SLC25A12: variants seen among roughly 807,000 people sequenced by gnomAD.
SLC25A12 encodes the protein solute carrier family 25 member 12.
In SLC25A12, 32 loss-of-function variants were observed where a neutral mutation model predicts 83.3. The observed-to-expected ratio is 0.38, with a 90% CI of 0.29 to 0.52. SLC25A12 has a LOEUF of 0.52. SLC25A12 is among the 20% of genes least tolerant of loss of function. SLC25A12 has a pLI of 0.84. For synonymous variants in SLC25A12, 267 were observed against 291.1 expected (o/e 0.92, Z 0.84); for missense variants, 611 against 835.6 (o/e 0.73, Z 3.31).
intron 15 of SLC25A12, chr2:171,788,157 G>T: frequency 3.8e-6 from 2 of 528,540 alleles, no homozygotes; most frequent in Non-Finnish European, 6.7e-6. Context: ...ATTTTTTCCT[G>T]AATTAAAAAA....
Position 171,810,609 on chromosome 2 carries a change from C to T in SLC25A12, c.1172-333G>A, listed in dbSNP as rs114750605. Among the ~76,000 whole-genome samples the T allele has an allele frequency of 4.6e-3, 700 of 152,274 alleles. 3 individuals are homozygous for T. The highest frequency in any genetic ancestry group is 0.016 in the African/African-American group (656 of 41,554). On this transcript the variant is annotated intron_variant, in intron 11 of 17. Transcript: ENST00000422440. ...GGGAACACTGCCAATAACAATGTAA[C>T]CAAATTCCCTCCCTTATTACAACCA...
At chr2:171,792,036 T>G (rs1236945947) in intron 14 of SLC25A12, among the ~76,000 whole-genome samples, 2 of 152,178 alleles carry the variant, frequency 1.3e-5, no homozygotes, top group Non-Finnish European at 2.9e-5. Flanking sequence ...AAGTAACTAC[T>G]CTAGAGCAGG....
At chr2:171,889,482 G>A (rs1176359433) in intron 2 of SLC25A12, among the ~76,000 whole-genome samples, 1 of 152,090 alleles carries the variant, frequency 6.6e-6, no homozygotes, top group Non-Finnish European at 1.5e-5. Flanking sequence ...TATCACCTAA[G>A]CTACTTCCAA....
At chr2:171,836,553 G>T (rs1684561842) in intron 6 of SLC25A12, among the ~76,000 whole-genome samples, 1 of 152,194 alleles carries the variant, frequency 6.6e-6, no homozygotes, top group Non-Finnish European at 1.5e-5. Flanking sequence ...AGCCACAGAG[G>T]CTGATGGCCA....
At position 171,787,791 on chromosome 2, in the gene SLC25A12, G is replaced by T; in HGVS notation, c.1742C>A (p.Ala581Glu). The change falls in exon 16 of 18, where the codon GCA becomes GAA. Residue 581 changes from alanine (A) to glutamate (E), a missense_variant and splice_region_variant. Coordinates refer to ENST00000422440, the MANE Select transcript of SLC25A12 (RefSeq NM_003705.5). ...GTATGGCTCCAGCCCCTGCCTACCT[G>T]CAGTCCCTTTCCAAAATGCTGAGGG... ...EGPSAFWKGTAARVFRSSPQF... is the reference protein window; with the variant it reads ...EGPSAFWKGTEARVFRSSPQF... 6.2e-7 allele frequency: 1 copy of T among 1,614,168 alleles called. No homozygotes were observed. The highest frequency in any genetic ancestry group is 8.5e-7 in the Non-Finnish European group (1 of 1,180,006).
rs545539528 is a variant in SLC25A12 at position 171,840,917 on chromosome 2, T to G, written c.465+3452A>C. Among the ~76,000 whole-genome samples, 4 of 152,218 alleles carry G rather than the reference T, an allele frequency of 2.6e-5. No individual in the cohort carries two copies. The South Asian group carries it at 8.3e-4, about 32-fold the overall frequency. ...CTCCCGAGTCAGAGTGGAAAAAGTTTCAAGATTAAATTAAGAATGAGAATG... is the reference window on the plus strand; with the variant it reads ...CTCCCGAGTCAGAGTGGAAAAAGTTGCAAGATTAAATTAAGAATGAGAATG... On this transcript the variant is annotated intron_variant, in intron 5 of 17. Transcript: ENST00000422440.
At chr2:171,884,852 C>T (rs1411483261) in intron 2 of SLC25A12, among the ~76,000 whole-genome samples, 5 of 152,052 alleles carry the variant, frequency 3.3e-5, no homozygotes, top group African/African-American at 1.2e-4. Context: ...CACTAAACAG[C>T]TCTATCTTAT....
At position 171,855,970 on chromosome 2, in the gene SLC25A12, T is replaced by C. The variant is rs2056202; in HGVS notation, c.210-21A>G. The C allele has an allele frequency of 0.84, 1,108,441 of 1,321,958 alleles. 469,296 individuals carry two copies. Among genetic ancestry groups the C allele is most frequent in the East Asian group, 0.9 (38,982 of 43,488 alleles). The allele number at this position is 1,321,958 out of a possible 1,614,324, so 81.9% of individuals were successfully genotyped here. ...TCAACCTGGAATAAAATATAAAACG[T>C]CATTGGCTGGTGAAGAAAGGGAAAG... is the stretch of plus-strand genomic sequence containing the variant. On this transcript the variant is annotated intron_variant, in intron 3 of 17. Coordinates refer to ENST00000422440, the MANE Select transcript of SLC25A12 (RefSeq NM_003705.5).
At chr2:171,872,354 A>G (rs1685474027) in intron 2 of SLC25A12, among the ~76,000 whole-genome samples, 1 of 152,256 alleles carries the variant, frequency 6.6e-6, no homozygotes, top group Non-Finnish European at 1.5e-5. Context: ...TAGTAAGTAG[A>G]TTCCATCAAT....
At position 171,860,835 on chromosome 2, in the gene SLC25A12, A is replaced by C. The variant is rs1685142216; in HGVS notation, c.210-4886T>G. On this transcript the variant is annotated intron_variant, in intron 3 of 17. Transcript: ENST00000422440. Reference sequence around the variant, plus strand: ...AGTGGCTCACGCCTGTAATCCCAGCACTTGGGAAGGCCAAAGGGGGAGGAT... The same window carrying C: ...AGTGGCTCACGCCTGTAATCCCAGCCCTTGGGAAGGCCAAAGGGGGAGGAT... Among the ~76,000 whole-genome samples the C allele has an allele frequency of 2.0e-5, 3 of 152,174 alleles. No homozygotes were observed. The South Asian group carries it at 6.2e-4, about 31-fold the overall frequency.
At chr2:171,876,552 G>GGA (rs1553477106) in intron 2 of SLC25A12, among the ~76,000 whole-genome samples, 2,160 of 138,192 alleles carry the variant, frequency 0.016, 56 homozygotes, top group Middle Eastern at 0.029. Context: ...TTGGGGGGGG[G>GGA]GGGACTCAAG....
chr2:171,823,452 G>A (rs1197399676), intron 9 of SLC25A12, among the ~76,000 whole-genome samples: 1 of 152,046 alleles, frequency 6.6e-6, no homozygotes. Context: ...ATTTCACAAT[G>A]GCCATTAGTG....
In SLC25A12 at chr2:171,879,431, G is replaced by C. The variant is rs117775379; in HGVS notation, c.67-10608C>G. 7.2e-4 allele frequency among the ~76,000 whole-genome samples: 109 copies of C among 152,264 alleles called. 1 individual carries two copies. The East Asian group carries it at 0.014, about 20-fold the overall frequency. On this transcript the variant is annotated intron_variant, in intron 2 of 17. Coordinates refer to ENST00000422440, the MANE Select transcript of SLC25A12 (RefSeq NM_003705.5). ...TAAGCCCTACTGTCAGCTACTGAAT[G>C]ATGCAATTTCTAACACAGCAGGGAG...
intron 17 of SLC25A12, among the ~76,000 whole-genome samples, chr2:171,786,911 C>T (rs1343845557): frequency 1.3e-5 from 2 of 152,092 alleles, no homozygotes; most frequent in Admixed American, 6.5e-5. Context: ...AAAGAAAATG[C>T]ACAAAAGTGT....
chr2:171,893,915 G>A (rs982524523), intron 1 of SLC25A12, among the ~76,000 whole-genome samples: 3 of 151,630 alleles, frequency 2.0e-5, no homozygotes, highest in Admixed American at 6.6e-5. Context: ...CTCCAACTCC[G>A]GACTCACAAT....
At chr2:171,802,991 G>A (rs1470765209) in intron 13 of SLC25A12, among the ~76,000 whole-genome samples, 1 of 151,412 alleles carries the variant, frequency 6.6e-6, no homozygotes, top group Non-Finnish European at 1.5e-5. Flanking sequence ...GTGTACACAT[G>A]TGCACACATA....
chr2:171,889,158 A>T (rs1336321372), intron 2 of SLC25A12, among the ~76,000 whole-genome samples: 1 of 152,146 alleles, frequency 6.6e-6, no homozygotes, highest in Non-Finnish European at 1.5e-5. Context: ...TTTATATACA[A>T]GGAATTCATC....
At chr2:171,842,199 T>A (rs962123627) in intron 5 of SLC25A12, among the ~76,000 whole-genome samples, 1 of 152,000 alleles carries the variant, frequency 6.6e-6, no homozygotes, top group East Asian at 1.9e-4. Flanking sequence ...GGAATAGTAT[T>A]CAGCCACAAA....
intron 2 of SLC25A12, among the ~76,000 whole-genome samples, chr2:171,880,715 T>C (rs1215062936): frequency 6.6e-6 from 1 of 152,166 alleles, no homozygotes; most frequent in Admixed American, 6.5e-5. Flanking sequence ...CCTCCTTCCT[T>C]TCTCCCTCTA....
Sources: gnomAD v4.1 joint callset for allele counts (sites outside exome capture counted in the v4.1 genomes callset) on GRCh38, gnomAD v4.1.1 for gene constraint, MANE v1.5 for transcripts, NCBI Gene and HGNC (gene_info 2026-07-23, HGNC 2026-07-21) for gene names.